NCMAP: variants seen among roughly 807,000 people sequenced by gnomAD.
NCMAP encodes the protein non-compact myelin associated protein, also known as noncompact myelin-associated protein.
A neutral mutation model predicts 7.8 loss-of-function variants in NCMAP; 8 were observed. The ratio of observed to expected loss-of-function variants is 1.02; its 90% CI spans 0.60 to 1.84. NCMAP has a LOEUF of 1.84. Ranked by LOEUF, NCMAP falls within the 40% of genes most tolerant of loss-of-function variation. The pLI, the probability that NCMAP is intolerant of heterozygous loss-of-function variation, is 0.00. For synonymous variants in NCMAP, 41 were observed against 52.9 expected, an observed-to-expected ratio of 0.78 and a Z score of 0.98; for missense variants, 112 against 131.4, an observed-to-expected ratio of 0.85 and a Z score of 0.72.
At chr1:24,580,586 G>T (rs1651715776) in intron 1 of NCMAP, among the ~76,000 whole-genome samples, 2 of 151,982 alleles carry the variant, frequency 1.3e-5, no homozygotes. Context: ...GAGTAGCTGG[G>T]ACTACAGGCA....
rs547197474 is a variant in NCMAP at position 24,562,867 on chromosome 1, G to T, written c.-8+6698G>T. 4.6e-5 allele frequency among the ~76,000 whole-genome samples: 7 copies of T among 152,328 alleles called. No individual in the cohort carries two copies. In the South Asian group the frequency reaches 1.2e-3, roughly 27 times the overall value. ...TGGGAACTTAAAGGTGAACTTGGCA[G>T]AGTGCCAGGCAGAAAAGCCAAGGAA... On this transcript the variant is annotated intron_variant, in intron 1 of 3. Coordinates refer to ENST00000374392, the MANE Select transcript of NCMAP (RefSeq NM_001010980.5).
rs1339036213 is a variant in NCMAP at position 24,558,953 on chromosome 1, CTT to C, written c.-8+2787_-8+2788del. ...TGGATTTTAAGTTGCCCAATAAACT[CTT>C]TTAATTTCTTAAAAAAAAAACCTCA... On this transcript the variant is annotated intron_variant, in intron 1 of 3. Transcript: ENST00000374392. Among the ~76,000 whole-genome samples, 3 of 150,834 alleles carry C rather than the reference CTT, an allele frequency of 2.0e-5. No individual in the cohort carries two copies. The East Asian group carries it at 5.8e-4, about 29-fold the overall frequency.
intron 1 of NCMAP, among the ~76,000 whole-genome samples, chr1:24,581,525 A>G (rs1317895363): frequency 6.6e-6 from 1 of 152,220 alleles, no homozygotes; most frequent in Non-Finnish European, 1.5e-5. Context: ...CAGGAAATTC[A>G]TTGTGTTCAG....
In NCMAP at chr1:24,576,115, CT is replaced by C. The variant is rs1341712865; in HGVS notation, c.-7-19308del. Among the ~76,000 whole-genome samples, 3 of 152,058 alleles carry C rather than the reference CT, an allele frequency of 2.0e-5. No homozygotes were observed. The highest frequency in any genetic ancestry group is 1.3e-4 in the Admixed American group (2 of 15,260). Reference sequence around the variant, plus strand: ...CTGTCCCCATCCTCCACCCTCACCACTGCCACCCTGCACAGATGGCTCCCCT... The same window carrying C: ...CTGTCCCCATCCTCCACCCTCACCACGCCACCCTGCACAGATGGCTCCCCT... On this transcript the variant is annotated intron_variant, in intron 1 of 3. Coordinates refer to ENST00000374392, the MANE Select transcript of NCMAP (RefSeq NM_001010980.5). The surrounding 1 kb of genome is among the most constrained non-coding windows in gnomAD (Gnocchi z 4.0).
intron 1 of NCMAP, among the ~76,000 whole-genome samples, chr1:24,557,395 ATGTG>A (rs1011267706): frequency 1.4e-4 from 21 of 150,886 alleles, no homozygotes; most frequent in Admixed American, 3.3e-4. Flanking sequence ...GTATGTGTGC[ATGTG>A]TGTGTGTGTG....
chr1:24,568,709 C>A (rs2148926852), intron 1 of NCMAP, among the ~76,000 whole-genome samples: 1 of 152,328 alleles, frequency 6.6e-6, no homozygotes, highest in Middle Eastern at 3.4e-3. Flanking sequence ...CCAGGTCAGT[C>A]TGGCTCTGAC....
At position 24,604,649 on chromosome 1, in the gene NCMAP, T is replaced by A. The variant is rs569022381; in HGVS notation, c.168-957T>A. Among the ~76,000 whole-genome samples, 23 of 77,266 alleles carry A rather than the reference T, an allele frequency of 3.0e-4. 5 individuals carry two copies. The highest frequency in any genetic ancestry group is 1.5e-3 in the African/African-American group (21 of 14,022). 50.7% of individuals were successfully genotyped at this position (77,266 alleles called of 152,430 possible). On this transcript the variant is annotated intron_variant, in intron 3 of 3. Coordinates refer to ENST00000374392, the MANE Select transcript of NCMAP (RefSeq NM_001010980.5). ...ATATATATATATATATATATATATA[T>A]ATATGTCAGCAAGATGAAATACCAT...
intron 1 of NCMAP, among the ~76,000 whole-genome samples, chr1:24,590,679 T>C (rs1652019581): frequency 1.3e-5 from 2 of 152,188 alleles, no homozygotes; most frequent in African/African-American, 4.8e-5. Context: ...TGGCTCACTG[T>C]AGTTTGTGCC....
chr1:24,600,374 G>A (rs1023954555), intron 2 of NCMAP, among the ~76,000 whole-genome samples: 7 of 151,802 alleles, frequency 4.6e-5, no homozygotes, highest in Non-Finnish European at 1.0e-4. Flanking sequence ...GGCTAGTCTC[G>A]AACTCCTGGG....
chr1:24,599,897 C>T (rs1010025802), intron 2 of NCMAP, among the ~76,000 whole-genome samples: 7 of 134,552 alleles, frequency 5.2e-5, no homozygotes, highest in African/African-American at 2.0e-4. Flanking sequence ...GCCATGGTTC[C>T]ATTTTTATCA....
chr1:24,589,700 T>C (rs1232647231), intron 1 of NCMAP: 1 of 152,480 alleles, frequency 6.6e-6, no homozygotes, highest in Admixed American at 6.5e-5. Context: ...CCCACCAGTG[T>C]GTGTCAGGGA....
At chr1:24,590,499 G>A (rs1171633118) in intron 1 of NCMAP, among the ~76,000 whole-genome samples, 1 of 152,206 alleles carries the variant, frequency 6.6e-6, no homozygotes, top group Non-Finnish European at 1.5e-5. Context: ...CACGTACTGA[G>A]GCAGGGCCGG....
intron 1 of NCMAP, among the ~76,000 whole-genome samples, chr1:24,574,020 C>T (rs1200146331): frequency 1.4e-5 from 2 of 143,064 alleles, no homozygotes. Flanking sequence ...CTGGGATACG[C>T]TCATCTCCTG....
intron 1 of NCMAP, among the ~76,000 whole-genome samples, chr1:24,581,013 C>T (rs1161671088): frequency 6.6e-6 from 1 of 151,954 alleles, no homozygotes; most frequent in Non-Finnish European, 1.5e-5. Context: ...GAGTTGACGC[C>T]TCTTGATTCT....
intron 1 of NCMAP, among the ~76,000 whole-genome samples, chr1:24,577,152 A>C (rs1651585873): frequency 6.6e-6 from 1 of 152,170 alleles, no homozygotes; most frequent in South Asian, 2.1e-4. Context: ...AAAAATAAAA[A>C]TAAAAATAAA....
intron 2 of NCMAP, among the ~76,000 whole-genome samples, chr1:24,599,403 T>C (rs981315873): frequency 6.6e-5 from 10 of 151,946 alleles, no homozygotes; most frequent in Admixed American, 3.3e-4. Context: ...GCCTTGTTTT[T>C]AATAGTGAAA....
Position 24,589,258 on chromosome 1 carries a change from T to C in NCMAP, c.-7-6166T>C, listed in dbSNP as rs113675111. Among the ~76,000 whole-genome samples, 57 of 152,204 alleles carry C rather than the reference T, an allele frequency of 3.7e-4. 1 individual carries two copies. The highest frequency in any genetic ancestry group is 1.2e-3 in the African/African-American group (51 of 41,516). ...CCTCCCTCTCCCTGTCCTCTTTGTG[T>C]TTTCTATGGTCATGGCCCCTGGTCT... On this transcript the variant is annotated intron_variant, in intron 1 of 3. Transcript: ENST00000374392.
In NCMAP at chr1:24,605,757, T is replaced by G; in HGVS notation, c.*10T>G. 6.2e-7 allele frequency: 1 copy of G among 1,613,494 alleles called. No individual in the cohort carries two copies. Among genetic ancestry groups the G allele is most frequent in the Non-Finnish European group, 8.5e-7 (1 of 1,179,570 alleles). ...GGTGGAGACGCGATGACCTCTACCCTGGCGCTATCTCCACCACTGTCCAAA... is the reference window on the plus strand; with the variant it reads ...GGTGGAGACGCGATGACCTCTACCCGGGCGCTATCTCCACCACTGTCCAAA... On this transcript the variant is annotated 3_prime_UTR_variant, in exon 4 of 4. Transcript: ENST00000374392.
intron 1 of NCMAP, among the ~76,000 whole-genome samples, chr1:24,562,079 G>A (rs531451662): frequency 6.6e-6 from 1 of 152,210 alleles, no homozygotes; most frequent in African/African-American, 2.4e-5. Context: ...TAAGATCCAT[G>A]CCTACTCAAT....
Sources: gnomAD v4.1 joint callset for allele counts (sites outside exome capture counted in the v4.1 genomes callset) on GRCh38, gnomAD v4.1.1 for gene constraint, Gnocchi (gnomAD v3.1) non-coding constraint, MANE v1.5 for transcripts, NCBI Gene and HGNC (gene_info 2026-07-23, HGNC 2026-07-21) for gene names.